The following EPHA5 variants were observed in gnomAD, a reference collection of about 807,000 sequenced individuals.
EPHA5 encodes EPH receptor A5.
In EPHA5, 60 loss-of-function variants were observed where a neutral mutation model predicts 105.0. That is an observed-to-expected ratio of 0.57 (90% CI 0.46 to 0.71). The LOEUF (loss-of-function observed/expected upper bound fraction) is 0.71, where lower values mean the gene tolerates loss of function less well. Among genes scored for constraint, EPHA5 ranks in the 30% least tolerant of loss-of-function variants. The probability of loss-of-function intolerance (pLI) is 0.00; values close to 1 mark genes in which losing one functional copy is unlikely to be tolerated. For synonymous variants in EPHA5, 513 were observed against 449.1 expected, an observed-to-expected ratio of 1.14 and a Z score of -1.80; for missense variants, 1,218 against 1,274.7, an observed-to-expected ratio of 0.96 and a Z score of 0.68.
At chr4:65,619,101 T>A (rs1213709634) in intron 2 of EPHA5, among the ~76,000 whole-genome samples, 2 of 151,884 alleles carry the variant, frequency 1.3e-5, no homozygotes, top group Admixed American at 6.6e-5. Flanking sequence ...TGAGCAGAGA[T>A]CGCGGCACTG....
At chr4:65,370,016 G>C (rs1718301631) in intron 8 of EPHA5, among the ~76,000 whole-genome samples, 1 of 151,966 alleles carries the variant, frequency 6.6e-6, no homozygotes, top group African/African-American at 2.4e-5. Context: ...TAAGAAACTG[G>C]CAATGTATTA....
At chr4:65,335,600 T>C (rs1251922412) in intron 15 of EPHA5, among the ~76,000 whole-genome samples, 1 of 152,046 alleles carries the variant, frequency 6.6e-6, no homozygotes, top group Non-Finnish European at 1.5e-5. Context: ...TATGTTATAA[T>C]CTTACATTCC....
intron 1 of EPHA5, among the ~76,000 whole-genome samples, chr4:65,669,171 C>G (rs1402181827): frequency 6.6e-6 from 1 of 152,070 alleles, no homozygotes; most frequent in African/African-American, 2.4e-5. Context: ...GAGCTTCCAA[C>G]AGTTCCCACT....
chr4:65,519,238 A>G lies in EPHA5; in HGVS notation c.911-23695T>C, dbSNP rs549316169. Among the ~76,000 whole-genome samples the G allele has an allele frequency of 7.8e-4, 119 of 152,270 alleles. 3 individuals are homozygous for G. Among genetic ancestry groups the G allele is most frequent in the Non-Finnish European group, 1.9e-4 (13 of 68,012 alleles). ...TGCAAATAAATAATGCAAATCAATA[A>G]CTGTAAACCAGCATATAAACAGAAC... On this transcript the variant is annotated intron_variant, in intron 3 of 16. Transcript: ENST00000613740.
intron 5 of EPHA5, among the ~76,000 whole-genome samples, chr4:65,453,239 G>T (rs894480420): frequency 6.6e-6 from 1 of 152,160 alleles, no homozygotes; most frequent in Admixed American, 6.5e-5. Flanking sequence ...ATAATGGAAA[G>T]TTAACACAAA....
At chr4:65,590,037 C>A (rs1034862549) in intron 3 of EPHA5, among the ~76,000 whole-genome samples, 1 of 152,154 alleles carries the variant, frequency 6.6e-6, no homozygotes, top group African/African-American at 2.4e-5. Context: ...TTCTCCTTTA[C>A]AATCACACAG....
chr4:65,445,776 G>A (rs761955570), intron 5 of EPHA5, among the ~76,000 whole-genome samples: 7 of 152,028 alleles, frequency 4.6e-5, no homozygotes, highest in Non-Finnish European at 7.4e-5. Flanking sequence ...ATAGCTATAC[G>A]TCAAACTACT....
At position 65,322,837 on chromosome 4, in the gene EPHA5, T is replaced by A. The variant is rs894131261; in HGVS notation, c.*1277A>T. 3 of 228,944 alleles carry A rather than the reference T, an allele frequency of 1.3e-5. No individual in the cohort carries two copies. Among genetic ancestry groups the A allele is most frequent in the African/African-American group, 6.7e-5 (3 of 45,044 alleles). 14.2% of individuals were successfully genotyped at this position (228,944 alleles called of 1,614,324 possible). A position where few individuals can be genotyped will look rare whatever the true frequency, so the allele number is the denominator to read the frequency against. On this transcript the variant is annotated 3_prime_UTR_variant, in exon 17 of 17. Coordinates refer to ENST00000613740, the MANE Select transcript of EPHA5 (RefSeq NM_001281766.3). ...AAGCATATATATATATTTGTGTGTGTGTATGTGTATATATATATATTTGTC... is the reference window on the plus strand; with the variant it reads ...AAGCATATATATATATTTGTGTGTGAGTATGTGTATATATATATATTTGTC...
chr4:65,551,127 A>C (rs903203517), intron 3 of EPHA5, among the ~76,000 whole-genome samples: 2 of 150,800 alleles, frequency 1.3e-5, no homozygotes, highest in Non-Finnish European at 3.0e-5. Flanking sequence ...TTACATACAT[A>C]TATAAATGAT....
At chr4:65,529,335 T>C (rs1228708271) in intron 3 of EPHA5, among the ~76,000 whole-genome samples, 1 of 152,202 alleles carries the variant, frequency 6.6e-6, no homozygotes, top group Non-Finnish European at 1.5e-5. Flanking sequence ...GCTGATCTAC[T>C]AACCTTAATA....
intron 3 of EPHA5, among the ~76,000 whole-genome samples, chr4:65,497,950 A>C (rs1328958520): frequency 6.6e-6 from 1 of 152,062 alleles, no homozygotes; most frequent in Non-Finnish European, 1.5e-5. Flanking sequence ...GTAGTCCATA[A>C]ATATTATAAA....
intron 2 of EPHA5, among the ~76,000 whole-genome samples, chr4:65,637,390 G>T (rs1747225081): frequency 6.6e-6 from 1 of 151,302 alleles, no homozygotes; most frequent in South Asian, 2.1e-4. Context: ...AGGAGAATTT[G>T]CATACTCTCC....
intron 5 of EPHA5, among the ~76,000 whole-genome samples, chr4:65,456,796 G>A (rs1054055185): frequency 1.1e-4 from 16 of 151,872 alleles, no homozygotes; most frequent in African/African-American, 1.2e-4. Flanking sequence ...TTTCCCAGAG[G>A]TGATTAGTAA....
chr4:65,506,712 T>A (rs1222765939), intron 3 of EPHA5, among the ~76,000 whole-genome samples: 1 of 151,630 alleles, frequency 6.6e-6, no homozygotes, highest in African/African-American at 2.4e-5. Context: ...CGCTTGTTGA[T>A]GGAGTTGTTT....
intron 5 of EPHA5, among the ~76,000 whole-genome samples, chr4:65,432,100 G>T (rs1177398589): frequency 4.6e-5 from 7 of 151,986 alleles, no homozygotes; most frequent in South Asian, 2.1e-4. Context: ...CTTGAAAAAA[G>T]CCTTTATGAC....
At chr4:65,362,849 C>T (rs1717461792) in intron 11 of EPHA5, among the ~76,000 whole-genome samples, 1 of 151,516 alleles carries the variant, frequency 6.6e-6, no homozygotes, top group South Asian at 2.1e-4. Flanking sequence ...TCTTTGTCTT[C>T]AAGGAACATA....
intron 8 of EPHA5, among the ~76,000 whole-genome samples, chr4:65,400,107 C>A (rs7685469): frequency 0.8 from 121,741 of 152,150 alleles, 49,120 homozygotes; most frequent in South Asian, 0.92. Context: ...AAACATTTAA[C>A]TGGAAAACAG....
chr4:65,618,592 T>C (rs565765119), intron 2 of EPHA5, among the ~76,000 whole-genome samples: 1 of 152,194 alleles, frequency 6.6e-6, no homozygotes, highest in African/African-American at 2.4e-5. Flanking sequence ...AGTAGTTACT[T>C]TATTGCTTTA....
intron 5 of EPHA5, among the ~76,000 whole-genome samples, chr4:65,474,038 G>A (rs995701848): frequency 3.3e-5 from 5 of 150,498 alleles, no homozygotes; most frequent in Non-Finnish European, 7.4e-5. Context: ...GGGGAGAGGG[G>A]AGGGATAGCA....
Sources: allele counts gnomAD v4.1 joint callset (sites outside exome capture counted in the v4.1 genomes callset), GRCh38; gene constraint gnomAD v4.1.1; transcripts MANE v1.5; gene names NCBI Gene and HGNC (gene_info 2026-07-23, HGNC 2026-07-21).